ITGA8: variants seen among roughly 807,000 people sequenced by gnomAD.
The protein encoded by ITGA8 is integrin alpha-8.
A neutral mutation model predicts 142.3 loss-of-function variants in ITGA8; 91 were observed. That is an observed-to-expected ratio of 0.64 (90% CI 0.54 to 0.76). The LOEUF (loss-of-function observed/expected upper bound fraction) is 0.76, where lower values mean the gene tolerates loss of function less well. ITGA8 is among the 30% of genes least tolerant of loss of function. The pLI, the probability that ITGA8 is intolerant of heterozygous loss-of-function variation, is 0.00. For synonymous variants in ITGA8, 505 were observed against 485.2 expected, an observed-to-expected ratio of 1.04 and a Z score of -0.54; for missense variants, 1,406 against 1,327.7, an observed-to-expected ratio of 1.06 and a Z score of -0.92.
At chr10:15,584,221 C>G (rs1054097430) in intron 23 of ITGA8, among the ~76,000 whole-genome samples, 3 of 152,092 alleles carry the variant, frequency 2.0e-5, no homozygotes, top group African/African-American at 4.8e-5. Context: ...CACTCGAACC[C>G]TGGAGGGAGA....
At position 15,684,000 on chromosome 10, in the gene ITGA8, T is replaced by A. The variant is rs969878153; in HGVS notation, c.568+4A>T. On this transcript the variant is annotated splice_donor_region_variant and intron_variant, in intron 4 of 29. Transcript: ENST00000378076. The stretch of plus-strand genomic sequence containing the variant: ...GTCAGTTTCAAGGAATAAAAGTTGC[T>A]TACTGTTCCGGCAAGGAGAGAACTC... The A allele has an allele frequency of 2.5e-6, 4 of 1,614,024 alleles. No homozygotes were observed. The highest frequency in any genetic ancestry group is 4.5e-5 in the East Asian group (2 of 44,882).
intron 25 of ITGA8, among the ~76,000 whole-genome samples, chr10:15,563,377 A>C (rs1219972346): frequency 3.9e-5 from 6 of 152,192 alleles, no homozygotes; most frequent in African/African-American, 1.4e-4. Context: ...TCACTAGCTA[A>C]AATTCTCTCA....
chr10:15,691,946 AT>A (rs1013770003), intron 2 of ITGA8, among the ~76,000 whole-genome samples: 1 of 152,016 alleles, frequency 6.6e-6, no homozygotes, highest in African/African-American at 2.4e-5. Flanking sequence ...AATATATACA[AT>A]TTTTTTTGAG....
intron 12 of ITGA8, among the ~76,000 whole-genome samples, chr10:15,645,092 C>CAAAAAAAAAAAAAAAAAAAAAAAAAA (rs1168510743): frequency 2.1e-5 from 1 of 46,792 alleles, no homozygotes; most frequent in African/African-American, 8.4e-5. Context: ...GACTCTGTCT[C>CAAAAAAAAAAAAAAAAAAAAAAAAAA]AAAAAAAAAA....
chr10:15,596,036 C>A (rs575129350), intron 21 of ITGA8, among the ~76,000 whole-genome samples: 1 of 152,076 alleles, frequency 6.6e-6, no homozygotes, highest in South Asian at 2.1e-4. Flanking sequence ...GGGCAACAAG[C>A]GTGAAACTCC....
At chr10:15,604,144 T>A (rs1833151246) in intron 20 of ITGA8, 64 bp downstream of exon 20, 11 of 1,469,156 alleles carry the variant, frequency 7.5e-6, no homozygotes, top group Non-Finnish European at 9.3e-6. Flanking sequence ...ATGGCCCTTC[T>A]TAACATTTAC....
chr10:15,677,399 A>C (rs1834650077), intron 6 of ITGA8, among the ~76,000 whole-genome samples, 193 bp downstream of exon 6: 1 of 152,232 alleles, frequency 6.6e-6, no homozygotes, highest in African/African-American at 2.4e-5. Context: ...TGTACCCCAT[A>C]AATATGTACA....
chr10:15,592,104 AG>A, intron 22 of ITGA8, 120 bp downstream of exon 22: 1 of 592,588 alleles, frequency 1.7e-6, no homozygotes. Flanking sequence ...GGGCTGTGAA[AG>A]TCTGGGTTCT....
At position 15,659,268 on chromosome 10, in the gene ITGA8, G is replaced by GA. The variant is rs1301156696; in HGVS notation, c.892-214dup. On this transcript the variant is annotated intron_variant, in intron 9 of 29. Transcript: ENST00000378076. ...TATGGTTAAGTCTGGGATGCTTTCA[G>GA]AAAAAACGCATGCTTATTAATCTGA... 5.9e-5 allele frequency among the ~76,000 whole-genome samples: 9 copies of GA among 151,936 alleles called. No individual in the cohort carries two copies. In the South Asian group the frequency reaches 1.5e-3, roughly 25 times the overall value.
At chr10:15,617,311 T>C (rs1324783751) in intron 13 of ITGA8, among the ~76,000 whole-genome samples, 1 of 151,936 alleles carries the variant, frequency 6.6e-6, no homozygotes, top group East Asian at 1.9e-4. Context: ...GTGGAACTGG[T>C]TGACTGCAGT....
intron 21 of ITGA8, among the ~76,000 whole-genome samples, chr10:15,593,902 C>A (rs532859740): frequency 6.7e-6 from 1 of 149,000 alleles, no homozygotes; most frequent in South Asian, 2.1e-4. Flanking sequence ...AGTACAGTGG[C>A]ACAATCTCAG....
At chr10:15,662,229 G>A (rs1196847499) in intron 8 of ITGA8, among the ~76,000 whole-genome samples, 1 of 147,708 alleles carries the variant, frequency 6.8e-6, no homozygotes, top group Non-Finnish European at 1.5e-5. Flanking sequence ...TCTAAGGCAA[G>A]TTTGAACTGT....
At chr10:15,706,384 C>CCTTGCTTG in intron 2 of ITGA8, among the ~76,000 whole-genome samples, 1 of 152,228 alleles carries the variant, frequency 6.6e-6, no homozygotes, top group Non-Finnish European at 1.5e-5. Flanking sequence ...TACCTAGTCT[C>CCTTGCTTG]CTTGCTTGCT....
At chr10:15,606,218 A>G in intron 18 of ITGA8, 67 bp downstream of exon 18, 1 of 1,396,878 alleles carries the variant, frequency 7.2e-7, no homozygotes. Flanking sequence ...TTAGTCTTAA[A>G]GCCATGAGAA....
At chr10:15,550,628 G>T (rs1833776960) in intron 26 of ITGA8, among the ~76,000 whole-genome samples, 2 of 152,188 alleles carry the variant, frequency 1.3e-5, no homozygotes, top group South Asian at 4.1e-4. Flanking sequence ...CTAGACCAGG[G>T]CATGCTTGAG....
chr10:15,561,229 A>ATATATATATATG (rs1423468523), intron 25 of ITGA8, among the ~76,000 whole-genome samples: 3 of 94,276 alleles, frequency 3.2e-5, no homozygotes, highest in Non-Finnish European at 7.1e-5. Flanking sequence ...ATATATATAT[A>ATATATATATATG]TATATGTATA....
intron 27 of ITGA8, among the ~76,000 whole-genome samples, chr10:15,537,838 C>A (rs542232918): frequency 2.4e-4 from 37 of 152,250 alleles, no homozygotes; most frequent in African/African-American, 8.7e-4. Context: ...TAACAATTGG[C>A]TGGGCACAGT....
At chr10:15,669,813 G>A (rs1315771145) in intron 8 of ITGA8, among the ~76,000 whole-genome samples, 1 of 152,192 alleles carries the variant, frequency 6.6e-6, no homozygotes, top group African/African-American at 2.4e-5. Context: ...CAGCAGCAGA[G>A]GCTGCAGAAT....
At chr10:15,658,548 T>G (rs1834228611) in intron 10 of ITGA8, among the ~76,000 whole-genome samples, 1 of 152,116 alleles carries the variant, frequency 6.6e-6, no homozygotes, top group Non-Finnish European at 1.5e-5. Flanking sequence ...TTTGAAAGCC[T>G]TCTTGTTAGC....
Sources: allele counts gnomAD v4.1 joint callset (sites outside exome capture counted in the v4.1 genomes callset), GRCh38; gene constraint gnomAD v4.1.1; transcripts MANE v1.5; gene names NCBI Gene and HGNC (gene_info 2026-07-23, HGNC 2026-07-21).